Variants in SEMA6D observed in about 807,000 individuals in gnomAD.
SEMA6D encodes semaphorin-6D.
A neutral mutation model predicts 106.6 loss-of-function variants in SEMA6D; 35 were observed. That is an observed-to-expected ratio of 0.33 (90% CI 0.25 to 0.44). The LOEUF is 0.44. SEMA6D is among the 20% of genes least tolerant of loss of function. SEMA6D has a pLI of 1.00. For synonymous variants in SEMA6D, 499 were observed against 487.7 expected (o/e 1.02, Z -0.31); for missense variants, 1,185 against 1,345.9 (o/e 0.88, Z 1.87).
At chr15:47,340,687 G>A (rs1396670665) in intron 1 of SEMA6D, among the ~76,000 whole-genome samples, 2 of 152,202 alleles carry the variant, frequency 1.3e-5, no homozygotes, top group Non-Finnish European at 2.9e-5. Flanking sequence ...TGAGATTGGG[G>A]AGTGAAATGA....
chr15:47,245,000 T>C (rs902804574), intron 1 of SEMA6D, among the ~76,000 whole-genome samples: 7 of 151,280 alleles, frequency 4.6e-5, no homozygotes, highest in Admixed American at 6.6e-5. Context: ...CCTCCAGCTC[T>C]ATCCATGCTG....
At chr15:47,750,644 G>T (rs2081379105) in intron 1 of SEMA6D, among the ~76,000 whole-genome samples, 1 of 152,218 alleles carries the variant, frequency 6.6e-6, no homozygotes, top group Non-Finnish European at 1.5e-5. Context: ...GAGTCACAGA[G>T]CTGCTTCATT....
At chr15:47,763,549 A>G (rs2082175379) in intron 9 of SEMA6D, among the ~76,000 whole-genome samples, 1 of 152,206 alleles carries the variant, frequency 6.6e-6, no homozygotes, top group African/African-American at 2.4e-5. Flanking sequence ...GACATGTTTC[A>G]TTAACAATAC....
intron 1 of SEMA6D, among the ~76,000 whole-genome samples, chr15:47,282,133 A>G (rs899689683): frequency 6.6e-6 from 1 of 152,174 alleles, no homozygotes; most frequent in African/African-American, 2.4e-5. Context: ...ATATACATGT[A>G]TAGGTACTCA....
In SEMA6D at chr15:47,774,047, T is replaced by G. The variant is rs2082739518; in HGVS notation, c.*2262T>G. 1 of 152,640 alleles carries G rather than the reference T, an allele frequency of 6.6e-6. No homozygotes were observed. The highest frequency in any genetic ancestry group is 2.4e-5 in the African/African-American group (1 of 41,468). 9.5% of individuals were successfully genotyped at this position (152,640 alleles called of 1,614,324 possible). A position where few individuals can be genotyped will look rare whatever the true frequency, so the allele number is the denominator to read the frequency against. ...GCAAAGGTAAACGCAGATTGTATCT[T>G]TTTTAATGGTACGGCATAAAAAGTA... On this transcript the variant is annotated 3_prime_UTR_variant, in exon 19 of 19. Coordinates refer to ENST00000536845, the MANE Select transcript of SEMA6D (RefSeq NM_001358351.3).
At chr15:47,250,547 TA>T (rs1304436755) in intron 1 of SEMA6D, among the ~76,000 whole-genome samples, 4 of 145,066 alleles carry the variant, frequency 2.8e-5, no homozygotes, top group African/African-American at 1.0e-4. Flanking sequence ...TATATTTGTT[TA>T]AAAACTTTCT....
intron 1 of SEMA6D, among the ~76,000 whole-genome samples, chr15:47,370,959 A>G (rs1690275229): frequency 6.6e-6 from 1 of 152,240 alleles, no homozygotes; most frequent in Non-Finnish European, 1.5e-5. Context: ...GATGTAGTTC[A>G]GGGTTGCTTT....
chr15:47,427,526 G>T (rs2041380375), intron 2 of SEMA6D, among the ~76,000 whole-genome samples: 1 of 152,072 alleles, frequency 6.6e-6, no homozygotes, highest in Non-Finnish European at 1.5e-5. Context: ...CTTGATCTCA[G>T]AAATACTATC....
intron 3 of SEMA6D, among the ~76,000 whole-genome samples, chr15:47,596,496 A>G (rs549414545): frequency 4.6e-5 from 7 of 152,312 alleles, no homozygotes; most frequent in Non-Finnish European, 8.8e-5. Flanking sequence ...CAGGAAAAAC[A>G]AAGCTGGAGG....
chr15:47,762,182 T>C lies in SEMA6D; in HGVS notation c.539-18T>C. The C allele has an allele frequency of 4.3e-6, 7 of 1,613,460 alleles. No homozygotes were observed. Among genetic ancestry groups the C allele is most frequent in the Non-Finnish European group, 5.9e-6 (7 of 1,179,520 alleles). On this transcript the variant is annotated intron_variant, in intron 7 of 18. Transcript: ENST00000536845. ...GATAATTATGGTTATCTTACCAAAA[T>C]TATACCTTTGGTTTCAGATGGGAAG...
intron 4 of SEMA6D, among the ~76,000 whole-genome samples, chr15:47,658,910 A>G (rs2077861091): frequency 1.3e-5 from 2 of 152,096 alleles, no homozygotes; most frequent in African/African-American, 4.8e-5. Context: ...GAGAAAAAAT[A>G]TCCTTTTAAA....
intron 3 of SEMA6D, among the ~76,000 whole-genome samples, chr15:47,575,012 C>A (rs1024666415): frequency 6.6e-6 from 1 of 152,146 alleles, no homozygotes; most frequent in African/African-American, 2.4e-5. Flanking sequence ...TGCAATGCCA[C>A]AGTGTTTACA....
intron 1 of SEMA6D, among the ~76,000 whole-genome samples, chr15:47,228,022 A>AT (rs2031905337): frequency 2.1e-5 from 3 of 142,682 alleles, no homozygotes; most frequent in Non-Finnish European, 3.1e-5. Flanking sequence ...AGAATCATAT[A>AT]TTTTTTATAT....
At chr15:47,541,218 G>T (rs2045343384) in intron 3 of SEMA6D, among the ~76,000 whole-genome samples, 1 of 152,124 alleles carries the variant, frequency 6.6e-6, no homozygotes, top group Non-Finnish European at 1.5e-5. Flanking sequence ...TGAAAATGCT[G>T]TTAGGAAGGC....
intron 1 of SEMA6D, among the ~76,000 whole-genome samples, chr15:47,237,404 A>G (rs1157906563): frequency 6.6e-6 from 1 of 151,718 alleles, no homozygotes; most frequent in Non-Finnish European, 1.5e-5. Context: ...GTTGGAAATG[A>G]GACTGTCATG....
intron 1 of SEMA6D, among the ~76,000 whole-genome samples, chr15:47,306,462 C>T (rs947516330): frequency 6.6e-6 from 1 of 152,038 alleles, no homozygotes; most frequent in Non-Finnish European, 1.5e-5. Context: ...TGGCTTATGC[C>T]TGTAATCCCA....
chr15:47,227,900 A>G (rs1436063596), intron 1 of SEMA6D, among the ~76,000 whole-genome samples: 1 of 142,762 alleles, frequency 7.0e-6, no homozygotes, highest in East Asian at 2.7e-4. Flanking sequence ...TTTTATATAT[A>G]TAAGAATCTT....
At chr15:47,369,536 AG>A (rs2039192390) in intron 1 of SEMA6D, among the ~76,000 whole-genome samples, 1 of 152,236 alleles carries the variant, frequency 6.6e-6, no homozygotes, top group Admixed American at 6.5e-5. Context: ...AAAATTCAAA[AG>A]TAATGATTCT....
chr15:47,747,958 C>G (rs2081236122), intron 1 of SEMA6D, among the ~76,000 whole-genome samples: 1 of 152,230 alleles, frequency 6.6e-6, no homozygotes, highest in Non-Finnish European at 1.5e-5. Flanking sequence ...TATATCCACT[C>G]TCTAATCTCA....
Sources: gnomAD v4.1 joint callset for allele counts (sites outside exome capture counted in the v4.1 genomes callset) on GRCh38, gnomAD v4.1.1 for gene constraint, MANE v1.5 for transcripts, NCBI Gene and HGNC (gene_info 2026-07-23, HGNC 2026-07-21) for gene names.